ZFHX3: variants seen among roughly 807,000 people sequenced by gnomAD.
ZFHX3 encodes the protein zinc finger homeobox 3.
Under a neutral mutation model 279.1 loss-of-function variants are expected in ZFHX3, and 42 were observed. The observed-to-expected ratio is 0.15, with a 90% CI of 0.12 to 0.19. ZFHX3 has a LOEUF of 0.19. Among genes scored for constraint, ZFHX3 ranks in the 10% least tolerant of loss-of-function variants. ZFHX3 has a pLI of 1.00. For missense variants in ZFHX3, 4,981 were observed against 4,754.0 expected (o/e 1.05, Z -1.40); for synonymous variants, 2,293 against 1,957.8 (o/e 1.17, Z -4.52).
intron 3 of ZFHX3, among the ~76,000 whole-genome samples, chr16:72,935,573 A>C (rs1005977720): frequency 1.3e-5 from 2 of 151,872 alleles, no homozygotes; most frequent in Non-Finnish European, 2.9e-5. Flanking sequence ...AAACCCCATC[A>C]CTACTAAAAA....
At chr16:72,966,507 C>G (rs1961847603) in intron 1 of ZFHX3, among the ~76,000 whole-genome samples, 1 of 152,166 alleles carries the variant, frequency 6.6e-6, no homozygotes, top group African/African-American at 2.4e-5. Flanking sequence ...GGGCCTTTGG[C>G]AACAGTACTA....
At chr16:73,552,544 C>T (rs1038530303) in intron 2 of ZFHX3, among the ~76,000 whole-genome samples, 2 of 152,154 alleles carry the variant, frequency 1.3e-5, no homozygotes, top group Admixed American at 1.3e-4. Context: ...TGCACTTCCA[C>T]ATTTACACTC....
At chr16:73,797,360 T>C (rs1960024297) in intron 1 of ZFHX3, among the ~76,000 whole-genome samples, 2 of 152,232 alleles carry the variant, frequency 1.3e-5, no homozygotes, top group Admixed American at 1.3e-4. Flanking sequence ...AGCAGTTTCC[T>C]GACCTGCTCC....
intron 4 of ZFHX3, among the ~76,000 whole-genome samples, chr16:73,308,396 G>A (rs7189988): frequency 0.79 from 119,154 of 151,086 alleles, 47,222 homozygotes; most frequent in African/African-American, 0.85. Context: ...TGCCACCTCC[G>A]CCTCCTGCCT....
At chr16:73,885,935 A>G (rs1446283085) in intron 1 of ZFHX3, among the ~76,000 whole-genome samples, 1 of 152,152 alleles carries the variant, frequency 6.6e-6, no homozygotes, top group Admixed American at 6.5e-5. Context: ...CAGTTTATAA[A>G]CAAACTTTCC....
chr16:73,779,355 G>A lies in ZFHX3; in HGVS notation c.-1607-99115C>T, dbSNP rs75052399. Among the ~76,000 whole-genome samples the A allele has an allele frequency of 1.1e-4, 16 of 152,114 alleles. 1 individual carries two copies. Among genetic ancestry groups the A allele is most frequent in the Admixed American group, 1.0e-3 (16 of 15,270 alleles). ...TTAATTTTTAAGTTAGTGATGAAAA[G>A]AATTCATCTGAGAAAAAGACAACAA... On this transcript the variant is annotated intron_variant, in intron 1 of 17. Coordinates refer to the ZFHX3 transcript ENST00000641206.
chr16:73,501,364 T>G (rs2019236253), intron 2 of ZFHX3, among the ~76,000 whole-genome samples: 1 of 152,232 alleles, frequency 6.6e-6, no homozygotes. Context: ...AATTTGAGAC[T>G]GTGGGGCTTC....
At chr16:73,627,867 G>A (rs985575332) in intron 2 of ZFHX3, among the ~76,000 whole-genome samples, 5 of 152,144 alleles carry the variant, frequency 3.3e-5, no homozygotes, top group African/African-American at 7.2e-5. Context: ...ACAGTGAGCC[G>A]AGACTGTGCC....
intron 5 of ZFHX3, among the ~76,000 whole-genome samples, chr16:73,208,336 GAACAT>G (rs1414293543): frequency 6.6e-6 from 1 of 152,104 alleles, no homozygotes; most frequent in Non-Finnish European, 1.5e-5. Flanking sequence ...ATGAAAAACA[GAACAT>G]AAAACCATGT....
At chr16:73,619,138 A>G (rs896059759) in intron 2 of ZFHX3, among the ~76,000 whole-genome samples, 2 of 152,126 alleles carry the variant, frequency 1.3e-5, no homozygotes, top group African/African-American at 2.4e-5. Flanking sequence ...CACTTTCAAA[A>G]TTCTTCCCAA....
At chr16:72,969,548 G>A (rs1015011873) in intron 1 of ZFHX3, among the ~76,000 whole-genome samples, 3 of 151,880 alleles carry the variant, frequency 2.0e-5, no homozygotes, top group Non-Finnish European at 4.4e-5. Flanking sequence ...CAGAGTGTGA[G>A]CATTGTTAAA....
At chr16:73,366,502 CAGG>C (rs2016531181) in intron 3 of ZFHX3, among the ~76,000 whole-genome samples, 2 of 150,424 alleles carry the variant, frequency 1.3e-5, no homozygotes, top group East Asian at 3.9e-4. Flanking sequence ...GAGGCTGAGG[CAGG>C]AGGATTGCTT....
upstream of ZFHX3, among the ~76,000 whole-genome samples, chr16:73,052,424 G>C (rs1198421420): frequency 6.6e-6 from 1 of 151,882 alleles, no homozygotes; most frequent in African/African-American, 2.4e-5. Flanking sequence ...CAGGAAGATA[G>C]ACAAAAGATG....
intron 4 of ZFHX3, among the ~76,000 whole-genome samples, chr16:72,882,600 T>C (rs1024629616): frequency 2.0e-5 from 3 of 152,296 alleles, no homozygotes; most frequent in African/African-American, 7.2e-5. Context: ...ACTGCCCACC[T>C]GACCATCCTG....
chr16:73,465,473 C>A lies in ZFHX3; in HGVS notation c.-1546-9215G>T, dbSNP rs1418554569. 2.0e-5 allele frequency among the ~76,000 whole-genome samples: 3 copies of A among 152,150 alleles called. No homozygotes were observed. In the East Asian group the frequency reaches 5.8e-4, roughly 29 times the overall value. ...TGCCTCGCCCGTCTCCTCCTGGTGC[C>A]TCTGAGGTCTCACTGGAGACTGGAA... On this transcript the variant is annotated intron_variant, in intron 2 of 17. Transcript: ENST00000641206.
intron 2 of ZFHX3, among the ~76,000 whole-genome samples, chr16:73,478,309 A>C (rs982592668): frequency 1.3e-5 from 2 of 149,286 alleles, no homozygotes; most frequent in Admixed American, 6.9e-5. Context: ...ACTAAAAGCC[A>C]TATGACATGC....
intron 3 of ZFHX3, among the ~76,000 whole-genome samples, chr16:73,411,688 G>A (rs753529183): frequency 6.6e-6 from 1 of 152,114 alleles, no homozygotes; most frequent in African/African-American, 2.4e-5. Flanking sequence ...AATTCAGATC[G>A]ATGGCTTCTC....
At chr16:73,290,629 T>A (rs971807020) in intron 4 of ZFHX3, among the ~76,000 whole-genome samples, 3 of 152,172 alleles carry the variant, frequency 2.0e-5, no homozygotes, top group Non-Finnish European at 4.4e-5. Context: ...GTGGGACTAA[T>A]GGTGAGATGG....
intron 3 of ZFHX3, among the ~76,000 whole-genome samples, chr16:73,324,991 T>C (rs202066730): frequency 1.3e-5 from 2 of 152,182 alleles, no homozygotes; most frequent in Non-Finnish European, 2.9e-5. Context: ...AATTAAATAA[T>C]AAAAAACCTT....
Sources: allele counts gnomAD v4.1 joint callset (sites outside exome capture counted in the v4.1 genomes callset), GRCh38; gene constraint gnomAD v4.1.1; transcripts MANE v1.5; gene names NCBI Gene and HGNC (gene_info 2026-07-23, HGNC 2026-07-21).